TMEM132C: variants seen among roughly 807,000 people sequenced by gnomAD.
TMEM132C encodes the protein transmembrane protein 132C, also known as protein phosphatase 1, regulatory subunit 152.
TMEM132C carries 29 observed loss-of-function variants against 61.4 expected under a neutral mutation model. That is an observed-to-expected ratio of 0.47 (90% CI 0.35 to 0.64). TMEM132C has a LOEUF of 0.64. TMEM132C is among the 30% of genes least tolerant of loss of function. The probability of loss-of-function intolerance (pLI) is 0.00; values close to 1 mark genes in which losing one functional copy is unlikely to be tolerated. For missense variants in TMEM132C, 1,408 were observed against 1,476.9 expected (o/e 0.95, Z 0.76); for synonymous variants, 656 against 633.1 (o/e 1.04, Z -0.54).
At chr12:128,485,330 C>T (rs1423097546) in intron 2 of TMEM132C, among the ~76,000 whole-genome samples, 1 of 152,168 alleles carries the variant, frequency 6.6e-6, no homozygotes, top group Non-Finnish European at 1.5e-5. Context: ...GCAACTGCCA[C>T]CACACCCAGC....
intron 4 of TMEM132C, among the ~76,000 whole-genome samples, chr12:128,664,864 C>T (rs1489564251): frequency 6.6e-6 from 1 of 152,206 alleles, no homozygotes; most frequent in African/African-American, 2.4e-5. Context: ...GTGTGCTAGG[C>T]ATATTGCTGT....
chr12:128,684,063 C>T (rs1269251423), intron 5 of TMEM132C, among the ~76,000 whole-genome samples: 9 of 152,086 alleles, frequency 5.9e-5, no homozygotes, highest in East Asian at 1.9e-4. Flanking sequence ...CCCATATCTC[C>T]GGCCTAAACG....
At chr12:128,367,357 C>T (rs1161716892) in intron 1 of TMEM132C, among the ~76,000 whole-genome samples, 1 of 152,220 alleles carries the variant, frequency 6.6e-6, no homozygotes, top group Non-Finnish European at 1.5e-5. Flanking sequence ...GTTCTGTGCT[C>T]ATTATGCAAA....
rs548235686 is a variant in TMEM132C, at chr12:128,601,900, G to C, written c.1122-14252G>C. Among the ~76,000 whole-genome samples, 17 of 152,288 alleles carry C rather than the reference G, an allele frequency of 1.1e-4. No individual in the cohort carries two copies. The South Asian group carries it at 3.5e-3, about 32-fold the overall frequency. On this transcript the variant is annotated intron_variant, in intron 3 of 8. Transcript: ENST00000435159. ...TAAGCATTTTGTGGCTGAGTATGGTGACCGATTGCTTGCTCTGGGAGCAGA... is the reference window on the plus strand; with the variant it reads ...TAAGCATTTTGTGGCTGAGTATGGTCACCGATTGCTTGCTCTGGGAGCAGA...
rs139386578 is a variant in TMEM132C, at chr12:128,544,287, G to A, written c.1121+184G>A. 4.2e-3 allele frequency among the ~76,000 whole-genome samples: 645 copies of A among 152,380 alleles called. 13 individuals are homozygous for A. Among genetic ancestry groups the A allele is most frequent in the Admixed American group, 0.028 (434 of 15,310 alleles). ...CCCTCTGCCTCTGCAGCAGGGCGGG[G>A]TGGGGCGCTCGCTCTGCAGCGCTGC... is the stretch of plus-strand genomic sequence containing the variant. On this transcript the variant is annotated intron_variant, in intron 3 of 8. Coordinates refer to ENST00000435159, the MANE Select transcript of TMEM132C (RefSeq NM_001136103.3).
chr12:128,579,693 G>A lies in TMEM132C; in HGVS notation c.1121+35590G>A, dbSNP rs140501284. Among the ~76,000 whole-genome samples, 185 of 152,274 alleles carry A rather than the reference G, an allele frequency of 1.2e-3. 1 individual carries two copies. The highest frequency in any genetic ancestry group is 4.2e-3 in the African/African-American group (174 of 41,566). On this transcript the variant is annotated intron_variant, in intron 3 of 8. Coordinates refer to ENST00000435159, the MANE Select transcript of TMEM132C (RefSeq NM_001136103.3). ...GAGCCCACTTAGAGAAATGATGCACGTGCTCTTTGCTGAGTGCCTACCTCT... is the reference window on the plus strand; with the variant it reads ...GAGCCCACTTAGAGAAATGATGCACATGCTCTTTGCTGAGTGCCTACCTCT...
At chr12:128,548,377 C>G (rs1259514574) in intron 3 of TMEM132C, among the ~76,000 whole-genome samples, 2 of 152,172 alleles carry the variant, frequency 1.3e-5, no homozygotes, top group African/African-American at 4.8e-5. Context: ...TTTGTTGGGA[C>G]ACACAAAATC....
At chr12:128,543,192 G>A (rs570694624) in intron 2 of TMEM132C, among the ~76,000 whole-genome samples, 2 of 152,330 alleles carry the variant, frequency 1.3e-5, no homozygotes, top group African/African-American at 4.8e-5. Flanking sequence ...GTCACGTTAA[G>A]CAGGTTGGGG....
At chr12:128,344,925 C>G in intron 1 of TMEM132C, among the ~76,000 whole-genome samples, 1 of 135,078 alleles carries the variant, frequency 7.4e-6, no homozygotes, top group Non-Finnish European at 1.6e-5. Context: ...AGATGAGTTT[C>G]TTTTTTTTTT....
intron 1 of TMEM132C, among the ~76,000 whole-genome samples, chr12:128,321,493 A>G (rs947179660): frequency 2.0e-5 from 3 of 152,196 alleles, no homozygotes; most frequent in Admixed American, 6.5e-5. Context: ...AGGGTGGTGG[A>G]GGGATGCAGC....
rs1954807180 is a variant in TMEM132C, at chr12:128,701,922, CAG to C, written c.2122-3165_2122-3164del. The stretch of plus-strand genomic sequence containing the variant: ...TTCTTTTTTTTTTTTTTTTTTGAGA[CAG>C]AGTCTTGCTCTGTCACCCCAGCTGG... On this transcript the variant is annotated intron_variant, in intron 8 of 8. Transcript: ENST00000435159. Among the ~76,000 whole-genome samples, 11 of 136,796 alleles carry C rather than the reference CAG, an allele frequency of 8.0e-5. No homozygotes were observed. In the South Asian group the frequency reaches 2.3e-3, roughly 28 times the overall value. 89.7% of individuals were successfully genotyped at this position (136,796 alleles called of 152,430 possible).
intron 1 of TMEM132C, among the ~76,000 whole-genome samples, chr12:128,376,631 G>T (rs567405251): frequency 6.6e-6 from 1 of 152,150 alleles, no homozygotes; most frequent in Non-Finnish European, 1.5e-5. Flanking sequence ...AGATTATTTC[G>T]AGCCTCTTGG....
chr12:128,421,042 G>A (rs1868970376), intron 2 of TMEM132C, among the ~76,000 whole-genome samples: 1 of 152,050 alleles, frequency 6.6e-6, no homozygotes, highest in Non-Finnish European at 1.5e-5. Flanking sequence ...GTGGTTTTTG[G>A]TTATAGGGAT....
intron 2 of TMEM132C, among the ~76,000 whole-genome samples, chr12:128,469,572 A>G (rs944530310): frequency 6.6e-6 from 1 of 151,986 alleles, no homozygotes; most frequent in African/African-American, 2.4e-5. Flanking sequence ...CCAGCTTTAC[A>G]GCCATGAGCC....
At chr12:128,504,875 C>G (rs1872305976) in intron 2 of TMEM132C, among the ~76,000 whole-genome samples, 1 of 148,240 alleles carries the variant, frequency 6.7e-6, no homozygotes, top group African/African-American at 2.4e-5. Context: ...TAATTTTTAA[C>G]TGCAAAGTCT....
Position 128,464,577 on chromosome 12 carries a change from AC to A in TMEM132C, c.974+48962del, listed in dbSNP as rs537857465. ...AGACCAGCCTGGGAAAAATACTGAG[AC>A]CCCCATCTCTATAAAAAATGAATAA... is the stretch of plus-strand genomic sequence containing the variant. On this transcript the variant is annotated intron_variant, in intron 2 of 8. Coordinates refer to ENST00000435159, the MANE Select transcript of TMEM132C (RefSeq NM_001136103.3). 4.6e-5 allele frequency among the ~76,000 whole-genome samples: 7 copies of A among 151,978 alleles called. No individual in the cohort carries two copies. The East Asian group carries it at 1.4e-3, about 29-fold the overall frequency.
chr12:128,312,082 C>T (rs1593006862), intron 1 of TMEM132C, among the ~76,000 whole-genome samples: 2 of 152,296 alleles, frequency 1.3e-5, no homozygotes, highest in East Asian at 3.9e-4. Context: ...TGGAGGTGCC[C>T]TAAGGATACC....
chr12:128,636,871 CTG>C, intron 4 of TMEM132C, among the ~76,000 whole-genome samples: 1 of 152,194 alleles, frequency 6.6e-6, no homozygotes, highest in South Asian at 2.1e-4. Context: ...GTTTTTCCCT[CTG>C]TGCTTGGTGT....
intron 1 of TMEM132C, among the ~76,000 whole-genome samples, chr12:128,370,901 C>A (rs1181712613): frequency 6.6e-6 from 1 of 152,242 alleles, no homozygotes; most frequent in African/African-American, 2.4e-5. Flanking sequence ...CTCACTATGC[C>A]CCAGACATTG....
Sources: allele counts gnomAD v4.1 joint callset (sites outside exome capture counted in the v4.1 genomes callset), GRCh38; gene constraint gnomAD v4.1.1; transcripts MANE v1.5; gene names NCBI Gene and HGNC (gene_info 2026-07-23, HGNC 2026-07-21).